The following NPM1 variants were observed in gnomAD, a reference collection of about 807,000 sequenced individuals.
NPM1 encodes the protein nucleophosmin 1, also known as nucleophosmin.
A neutral mutation model predicts 44.1 loss-of-function variants in NPM1; 1 was observed. The ratio of observed to expected loss-of-function variants is 0.02; its 90% CI spans 0.01 to 0.11. The LOEUF (loss-of-function observed/expected upper bound fraction) is 0.11, where lower values mean the gene tolerates loss of function less well. NPM1 is among the 10% of genes least tolerant of loss of function. The pLI is 1.00. For missense variants in NPM1, 197 were observed against 347.8 expected (o/e 0.57, Z 3.45); for synonymous variants, 126 against 111.8 (o/e 1.13, Z -0.80).
intron 6 of NPM1, 125 bp downstream of exon 6, chr5:171,393,103 A>G: frequency 8.1e-7 from 1 of 1,236,512 alleles, no homozygotes. Flanking sequence ...GTAATAGTTT[A>G]TAATAAAAGG....
intron 9 of NPM1, chr5:171,406,355 C>T (rs771633521): frequency 1.3e-6 from 2 of 1,551,212 alleles, no homozygotes; most frequent in Admixed American, 3.3e-5. Context: ...ATGCCCCTCC[C>T]CTCCATTTTA....
In NPM1 at chr5:171,387,880, T is replaced by G; in HGVS notation, c.-69T>G. 2.1e-6 allele frequency: 3 copies of G among 1,444,260 alleles called. No homozygotes were observed. The highest frequency in any genetic ancestry group is 1.1e-5 in the South Asian group (1 of 87,180). 89.5% of individuals were successfully genotyped at this position (1,444,260 alleles called of 1,614,324 possible). On this transcript the variant is annotated 5_prime_UTR_variant, in exon 1 of 11. Transcript: ENST00000296930. Reference sequence around the variant, plus strand: ...CTGGTGTGATTCCGTCCTGCGCGGTTGTTCTCTGGAGCAGCGTTCTTTTAT... The same window carrying G: ...CTGGTGTGATTCCGTCCTGCGCGGTGGTTCTCTGGAGCAGCGTTCTTTTAT...
At chr5:171,387,848 C>T (rs555371632), upstream of NPM1, 122 of 1,124,630 alleles carry the variant, frequency 1.1e-4, no homozygotes, top group African/African-American at 1.2e-3. Context: ...GAGCCTGCGT[C>T]CTTTCCCTGG....
At chr5:171,388,612 T>A (rs1185140391) in intron 1 of NPM1, among the ~76,000 whole-genome samples, 1 of 150,902 alleles carries the variant, frequency 6.6e-6, no homozygotes, top group Non-Finnish European at 1.5e-5. Context: ...GAGGGGGGTG[T>A]GGGCGCTACA....
At chr5:171,389,208 A>T (rs1411971846) in intron 1 of NPM1, among the ~76,000 whole-genome samples, 1 of 152,244 alleles carries the variant, frequency 6.6e-6, no homozygotes, top group Admixed American at 6.5e-5. Flanking sequence ...TTTGAAGTAA[A>T]TGCAAATCCT....
chr5:171,407,809 A>T (rs773564143), intron 10 of NPM1, 35 bp downstream of exon 10: 1 of 1,346,592 alleles, frequency 7.4e-7, no homozygotes, highest in Admixed American at 1.8e-5. Context: ...ATTAAATCCA[A>T]GTTTTTTTGT....
chr5:171,403,877 T>C (rs1421797071), intron 8 of NPM1, among the ~76,000 whole-genome samples: 1 of 39,204 alleles, frequency 2.6e-5, no homozygotes, highest in Non-Finnish European at 5.2e-5. Context: ...CCCCCCCACC[T>C]CCCTCCCGGA....
At chr5:171,405,254 G>C in intron 8 of NPM1, 48 bp from the exon 9 acceptor site, 1 of 893,610 alleles carries the variant, frequency 1.1e-6, no homozygotes, top group Non-Finnish European at 1.8e-6. Flanking sequence ...TTTTAATTAG[G>C]AATTGTATTT....
intron 8 of NPM1, among the ~76,000 whole-genome samples, chr5:171,405,021 T>C (rs1771488041): frequency 6.6e-6 from 1 of 152,148 alleles, no homozygotes; most frequent in Non-Finnish European, 1.5e-5. Flanking sequence ...CACTACAGCC[T>C]CCAGCTGCTG....
Position 171,391,698 on chromosome 5 carries a change from C to T in NPM1, c.259-8C>T. On this transcript the variant is annotated splice_region_variant and splice_polypyrimidine_tract_variant and intron_variant, in intron 3 of 10. Coordinates refer to ENST00000296930, the MANE Select transcript of NPM1 (RefSeq NM_002520.7). The stretch of plus-strand genomic sequence containing the variant: ...CATGTTTAGTGATGAAAAATTTCTC[C>T]CTTCTAGGTTTCCCTTGGGGGCTTT... 10 of 1,591,592 alleles carry T rather than the reference C, an allele frequency of 6.3e-6. No individual in the cohort carries two copies. Among genetic ancestry groups the T allele is most frequent in the Non-Finnish European group, 8.6e-6 (10 of 1,161,890 alleles).
Position 171,387,881 on chromosome 5 carries a change from G to A in NPM1, c.-68G>A. The stretch of plus-strand genomic sequence containing the variant: ...TGGTGTGATTCCGTCCTGCGCGGTT[G>A]TTCTCTGGAGCAGCGTTCTTTTATC... On this transcript the variant is annotated 5_prime_UTR_variant, in exon 1 of 11. Coordinates refer to ENST00000296930, the MANE Select transcript of NPM1 (RefSeq NM_002520.7). 7 of 1,464,862 alleles carry A rather than the reference G, an allele frequency of 4.8e-6. No individual in the cohort carries two copies. Among genetic ancestry groups the A allele is most frequent in the South Asian group, 1.1e-5 (1 of 87,594 alleles). The allele number at this position is 1,464,862 out of a possible 1,614,324, so 90.7% of individuals were successfully genotyped here.
chr5:171,408,687 T>G (rs1771684009), intron 10 of NPM1, among the ~76,000 whole-genome samples: 3 of 152,204 alleles, frequency 2.0e-5, no homozygotes, highest in Non-Finnish European at 2.9e-5. Flanking sequence ...TCCTAAAGTT[T>G]AAAGTGTGAG....
chr5:171,404,345 A>G (rs1445999554), intron 8 of NPM1, among the ~76,000 whole-genome samples: 3 of 70,396 alleles, frequency 4.3e-5, no homozygotes, highest in Admixed American at 1.3e-4. Context: ...CAGACGGGGC[A>G]GCTGCCGGGC....
intron 9 of NPM1, chr5:171,406,368 A>G (rs746501131): frequency 1.1e-5 from 17 of 1,594,002 alleles, no homozygotes; most frequent in Non-Finnish European, 1.5e-5. Context: ...CCATTTTAAT[A>G]TGGTCCTATC....
At chr5:171,406,642 A>G (rs2113283033) in intron 9 of NPM1, 1 of 1,317,428 alleles carries the variant, frequency 7.6e-7, no homozygotes, top group East Asian at 2.7e-5. Flanking sequence ...TTTGCTTTCT[A>G]TTACTTGTGC....
At chr5:171,393,851 G>T (rs1770722419) in intron 6 of NPM1, among the ~76,000 whole-genome samples, 1 of 152,124 alleles carries the variant, frequency 6.6e-6, no homozygotes, top group South Asian at 2.1e-4. Flanking sequence ...TTCAAAGTAT[G>T]ACCAGGCGCA....
At chr5:171,393,037 G>A in intron 6 of NPM1, 59 bp downstream of exon 6, 2 of 1,560,248 alleles carry the variant, frequency 1.3e-6, no homozygotes, top group East Asian at 2.3e-5. Flanking sequence ...AAAGGAATTT[G>A]ACATAGTTAT....
chr5:171,395,898 C>T (rs753294461), intron 6 of NPM1, among the ~76,000 whole-genome samples: 1 of 151,386 alleles, frequency 6.6e-6, no homozygotes, highest in Admixed American at 6.6e-5. Flanking sequence ...GTATGTAATA[C>T]GTTGATAGTA....
chr5:171,389,699 G>A (rs1483562481), intron 1 of NPM1, among the ~76,000 whole-genome samples: 1 of 152,146 alleles, frequency 6.6e-6, no homozygotes, highest in African/African-American at 2.4e-5. Flanking sequence ...AGGTAAATCA[G>A]CTGTTTTAAA....
Sources: allele counts gnomAD v4.1 joint callset (sites outside exome capture counted in the v4.1 genomes callset), GRCh38; gene constraint gnomAD v4.1.1; transcripts MANE v1.5; gene names NCBI Gene and HGNC (gene_info 2026-07-23, HGNC 2026-07-21).